TENM4: variants seen among roughly 807,000 people sequenced by gnomAD.
TENM4 encodes teneurin transmembrane protein 4, also known as teneurin-4.
A neutral mutation model predicts 243.3 loss-of-function variants in TENM4; 82 were observed. The ratio of observed to expected loss-of-function variants is 0.34; its 90% CI spans 0.28 to 0.40. TENM4 has a LOEUF of 0.40. Among genes scored for constraint, TENM4 ranks in the 10% least tolerant of loss-of-function variants. The pLI, the probability that TENM4 is intolerant of heterozygous loss-of-function variation, is 1.00. For missense variants in TENM4, 3,138 were observed against 3,673.3 expected (o/e 0.85, Z 3.77); for synonymous variants, 1,412 against 1,456.3 (o/e 0.97, Z 0.69).
chr11:79,295,145 AC>A (rs1438826173), intron 2 of TENM4, among the ~76,000 whole-genome samples: 1 of 152,196 alleles, frequency 6.6e-6, no homozygotes, highest in Non-Finnish European at 1.5e-5. Context: ...ACAAAAACGC[AC>A]AAACCCAGTC....
chr11:79,388,314 C>G (rs1188110704), intron 1 of TENM4, among the ~76,000 whole-genome samples: 1 of 152,196 alleles, frequency 6.6e-6, no homozygotes, highest in Non-Finnish European at 1.5e-5. Context: ...CTTTTAACCA[C>G]ACAGGGACTC....
At chr11:79,027,758 T>G (rs1859118144) in intron 6 of TENM4, among the ~76,000 whole-genome samples, 1 of 152,206 alleles carries the variant, frequency 6.6e-6, no homozygotes, top group Non-Finnish European at 1.5e-5. Flanking sequence ...AGGCATTCCC[T>G]GAAAAGTGTT....
intron 2 of TENM4, among the ~76,000 whole-genome samples, chr11:79,235,109 A>C (rs1055402764): frequency 4.6e-5 from 7 of 151,864 alleles, no homozygotes; most frequent in Admixed American, 1.3e-4. Flanking sequence ...GTCAGGAGAT[A>C]GAGACCATCC....
At chr11:78,880,427 G>A (rs1329714302) in intron 9 of TENM4, among the ~76,000 whole-genome samples, 1 of 128,824 alleles carries the variant, frequency 7.8e-6, no homozygotes, top group African/African-American at 3.5e-5. Context: ...CCCCCTCTCT[G>A]AGAAACACCC....
chr11:79,022,065 T>C (rs2136808851), intron 6 of TENM4, among the ~76,000 whole-genome samples: 1 of 152,260 alleles, frequency 6.6e-6, no homozygotes, highest in East Asian at 1.9e-4. Flanking sequence ...CATGGAGAGA[T>C]GGATGGCTTA....
intron 7 of TENM4, among the ~76,000 whole-genome samples, chr11:78,899,573 A>AGG (rs1565430097): frequency 1.4e-5 from 1 of 70,066 alleles, no homozygotes; most frequent in African/African-American, 4.9e-5. Context: ...GGGGGGGGGA[A>AGG]AAAGAAAAAA....
At chr11:78,691,708 G>A (rs1858830338) in intron 28 of TENM4, among the ~76,000 whole-genome samples, 1 of 152,070 alleles carries the variant, frequency 6.6e-6, no homozygotes, top group Non-Finnish European at 1.5e-5. Context: ...TCAAGATCTG[G>A]TTTTCATTTT....
rs1376308820 is a variant in TENM4, at chr11:78,750,693, ATCAT to A, written c.2756+6108_2756+6111del. 2.6e-5 allele frequency among the ~76,000 whole-genome samples: 4 copies of A among 152,188 alleles called. No homozygotes were observed. In the East Asian group the frequency reaches 7.7e-4, roughly 29 times the overall value. The stretch of plus-strand genomic sequence containing the variant: ...ACTGGCTAATTCATTGATTTATTCT[ATCAT>A]TCACTGTGGTTCACTCTGTGCCAAT... On this transcript the variant is annotated intron_variant, in intron 19 of 33. Transcript: ENST00000278550.
chr11:78,808,981 C>G (rs1422970683), intron 14 of TENM4, among the ~76,000 whole-genome samples: 1 of 152,158 alleles, frequency 6.6e-6, no homozygotes, highest in African/African-American at 2.4e-5. Context: ...ATCCTGAGGC[C>G]AATAAAGGTA....
At chr11:79,021,537 G>C (rs1426289974) in intron 6 of TENM4, 1 of 152,176 alleles carries the variant, frequency 6.6e-6, no homozygotes, top group Non-Finnish European at 1.5e-5. Context: ...CTGCCCATCA[G>C]TTATTTGTTG....
intron 6 of TENM4, among the ~76,000 whole-genome samples, chr11:78,976,755 G>A (rs1857665760): frequency 6.6e-6 from 1 of 152,170 alleles, no homozygotes; most frequent in Admixed American, 6.5e-5. Context: ...CTTAAAGCAG[G>A]AACCCTTCAG....
At chr11:79,138,570 A>ATAT (rs1555015654) in intron 4 of TENM4, among the ~76,000 whole-genome samples, 3,733 of 24,808 alleles carry the variant, frequency 0.15, 264 homozygotes, top group Non-Finnish European at 0.2. Context: ...TACATAAAAC[A>ATAT]TATATTTATA....
intron 6 of TENM4, among the ~76,000 whole-genome samples, chr11:78,982,024 G>A (rs190143032): frequency 5.6e-4 from 86 of 152,242 alleles, no homozygotes; most frequent in Middle Eastern, 3.4e-3. Context: ...ACACCTGCAA[G>A]AAGCCTGATC....
chr11:79,088,879 C>T (rs1860880784), intron 4 of TENM4, among the ~76,000 whole-genome samples: 2 of 152,142 alleles, frequency 1.3e-5, no homozygotes. Flanking sequence ...GAGCAGGCAC[C>T]AGTTTTGAGC....
chr11:78,955,416 G>T (rs1343928348), intron 6 of TENM4, among the ~76,000 whole-genome samples: 3 of 152,166 alleles, frequency 2.0e-5, no homozygotes, highest in Non-Finnish European at 2.9e-5. Flanking sequence ...AATGTGGTCT[G>T]GTGTCCACAA....
intron 3 of TENM4, chr11:79,191,508 C>A (rs1240976045): frequency 6.4e-6 from 1 of 157,130 alleles, no homozygotes; most frequent in African/African-American, 2.4e-5. Context: ...CTGCCTTGGC[C>A]CCCCAAAGTG....
chr11:79,117,110 C>T (rs1212131912), intron 4 of TENM4, among the ~76,000 whole-genome samples: 2 of 152,116 alleles, frequency 1.3e-5, no homozygotes, highest in Non-Finnish European at 2.9e-5. Context: ...TGATAATGCA[C>T]CTATTCAATA....
chr11:79,010,286 G>A (rs570130312), intron 6 of TENM4, among the ~76,000 whole-genome samples: 231 of 152,266 alleles, frequency 1.5e-3, no homozygotes, highest in African/African-American at 5.3e-3. Flanking sequence ...TGCTGCAAAG[G>A]AACTCACTGT....
chr11:79,347,263 C>G (rs139498609), intron 1 of TENM4, among the ~76,000 whole-genome samples: 1 of 152,292 alleles, frequency 6.6e-6, no homozygotes, highest in African/African-American at 2.4e-5. Context: ...TACCCCCATA[C>G]CCCACTAGTC....
Sources: allele counts gnomAD v4.1 joint callset (sites outside exome capture counted in the v4.1 genomes callset), GRCh38; gene constraint gnomAD v4.1.1; transcripts MANE v1.5; gene names NCBI Gene and HGNC (gene_info 2026-07-23, HGNC 2026-07-21).